TMEM187: variants seen among roughly 807,000 people sequenced by gnomAD.
The protein encoded by TMEM187 is transmembrane protein 187.
In TMEM187, 14 loss-of-function variants were observed where a neutral mutation model predicts 11.8. The observed-to-expected ratio is 1.18, with a 90% confidence interval of 0.78 to 1.85. The LOEUF (loss-of-function observed/expected upper bound fraction) is 1.85, where lower values mean the gene tolerates loss of function less well. TMEM187 is among the 40% of genes most tolerant of loss of function. The pLI is 0.00. For synonymous variants in TMEM187, 112 were observed against 118.5 expected, an observed-to-expected ratio of 0.95 and a Z score of 0.36; for missense variants, 227 against 243.9, an observed-to-expected ratio of 0.93 and a Z score of 0.46.
At position 153,982,480 on chromosome X, in the gene TMEM187, T is replaced by C; in HGVS notation, c.418T>C (p.Trp140Arg). Residue 140 changes from tryptophan to arginine, a missense_variant, in exon 2 of 2, where the codon TGG becomes CGG. By Grantham distance (101) the Trp-to-Arg change is moderately radical (BLOSUM62 -3). Transcript: ENST00000369982. ...CTACCTAGACCGCGGCTGGCGGCCC[T>C]GGCTGTTCCTCTCTCTTGAGTGCGT... ...CLYLDRGWRP[W>R]LFLSLECVSL... 8.3e-7 allele frequency: 1 copy of C among 1,203,929 alleles called. No homozygotes were observed. Among genetic ancestry groups the C allele is most frequent in the Non-Finnish European group, 1.1e-6 (1 of 894,497 alleles).
intron 1 of TMEM187, among the ~76,000 whole-genome samples, chrX:153,981,354 G>A (rs782070994): frequency 5.4e-5 from 6 of 111,436 alleles, no homozygotes; most frequent in Non-Finnish European, 1.1e-4. Context: ...AGGCGAGTGA[G>A]CCAGGGAAGC....
chrX:153,973,107 AAGATCTACC>A (rs1189416437), intron 1 of TMEM187, among the ~76,000 whole-genome samples: 3 of 112,421 alleles, frequency 2.7e-5, no homozygotes, highest in Non-Finnish European at 5.6e-5. Context: ...GTTAAATTAC[AAGATCTACC>A]AGATCTACCG....
At chrX:153,977,027 T>C (rs1352588387) in intron 1 of TMEM187, among the ~76,000 whole-genome samples, 1 of 112,329 alleles carries the variant, frequency 8.9e-6, no homozygotes, top group Non-Finnish European at 1.9e-5. Context: ...AATAGAAGCA[T>C]AGTGGGTATT....
intron 1 of TMEM187, among the ~76,000 whole-genome samples, chrX:153,973,351 C>T (rs1394632919): frequency 2.7e-5 from 3 of 112,522 alleles, no homozygotes; most frequent in Non-Finnish European, 3.8e-5. Flanking sequence ...GAATTCTTGC[C>T]TGTCTGTGCC....
Position 153,982,852 on chromosome X carries a change from C to T in TMEM187, c.*4C>T. On this transcript the variant is annotated 3_prime_UTR_variant, in exon 2 of 2. Transcript: ENST00000369982. Reference sequence around the variant, plus strand: ...CTCTGGCGGGAAGACGCGTTGAACCCAGGGAAGAACCTGCTGAAAACCGAT... The same window carrying T: ...CTCTGGCGGGAAGACGCGTTGAACCTAGGGAAGAACCTGCTGAAAACCGAT... The T allele has an allele frequency of 8.3e-7, 1 of 1,212,005 alleles. No homozygotes were observed. The highest frequency in any genetic ancestry group is 1.1e-6 in the Non-Finnish European group (1 of 895,596).
intron 1 of TMEM187, among the ~76,000 whole-genome samples, chrX:153,975,629 C>CTT (rs58423366): frequency 0.21 from 3,438 of 16,557 alleles, 911 homozygotes; most frequent in East Asian, 0.6. Flanking sequence ...CACACCCAGC[C>CTT]TTTTTTTTTT....
At position 153,983,025 on chromosome X, in the gene TMEM187, C is replaced by G; in HGVS notation, c.*177C>G. On this transcript the variant is annotated 3_prime_UTR_variant, in exon 2 of 2. Coordinates refer to ENST00000369982, the MANE Select transcript of TMEM187 (RefSeq NM_003492.3). ...GTGGAGGGGTGGAGTGCTGTGATCT[C>G]GACAACTTACTTTCAAAGACATAAA... 1 of 941,094 alleles carries G rather than the reference C, an allele frequency of 1.1e-6. No homozygotes were observed. The highest frequency in any genetic ancestry group is 2.3e-5 in the South Asian group (1 of 43,989). The allele number at this position is 941,094 out of a possible 1,213,427, so 77.6% of individuals were successfully genotyped here.
chrX:153,982,101 CGTGGCCG>C lies in TMEM187; in HGVS notation c.46_52del (p.Gly16SerfsTer43). On this transcript the variant is annotated frameshift_variant, in exon 2 of 2. Coordinates refer to ENST00000369982, the MANE Select transcript of TMEM187 (RefSeq NM_003492.3). LOFTEE classifies it high-confidence loss of function. ...GGGGGCAGGCCTTCGTGCACGTGGC[CGTGGCCG>C]GTGGCCTCTGTGCCGTGGCTGTGTT... The C allele has an allele frequency of 1.6e-6, 2 of 1,212,539 alleles. No individual in the cohort carries two copies. The highest frequency in any genetic ancestry group is 1.8e-5 in the South Asian group (1 of 57,081).
In TMEM187 at chrX:153,982,433, C is replaced by T. The variant is rs1045898; in HGVS notation, c.371C>T (p.Ala124Val). The change falls in exon 2 of 2, where the codon GCA (alanine) becomes GTA (valine). Residue 124 changes from alanine to valine, a missense_variant. Physicochemically the swap from Ala to Val is moderately conservative, Grantham distance 64 (BLOSUM62 0). Transcript: ENST00000369982. ...LDQWLTLPIF[A>V]WPVAWCLYLD... is the part of the protein sequence containing the mutation. ...CAGTGGCTCACACTGCCCATCTTTGCATGGCCCGTGGCCTGGTGCCTCTAC... is the reference window on the plus strand; with the variant it reads ...CAGTGGCTCACACTGCCCATCTTTGTATGGCCCGTGGCCTGGTGCCTCTAC... 8.3e-7 allele frequency: 1 copy of T among 1,201,826 alleles called. No individual in the cohort carries two copies.
chrX:153,981,019 T>C (rs1247549646), intron 1 of TMEM187: 1 of 109,075 alleles, frequency 9.2e-6, no homozygotes, highest in Non-Finnish European at 1.9e-5. Flanking sequence ...CAGTCTGGCA[T>C]CAGCTGACCA....
rs1216422110 is a variant in TMEM187 at position 153,972,784 on chromosome X, A to C, written c.-290A>C. On this transcript the variant is annotated 5_prime_UTR_variant, in exon 1 of 2. Transcript: ENST00000369982. ...CGCTGCTCGGATCCTCCCTTTTCGG[A>C]GATTTGAATTTCCCCCAGCGAGGCG... 3.6e-5 allele frequency: 4 copies of C among 110,931 alleles called. No homozygotes were observed. The highest frequency in any genetic ancestry group is 9.7e-5 in the African/African-American group (3 of 30,850). 9.1% of individuals were successfully genotyped at this position (110,931 alleles called of 1,213,427 possible).
rs2065611786 is a variant in TMEM187 at position 153,982,917 on chromosome X, G to A, written c.*69G>A. 3 of 1,203,749 alleles carry A rather than the reference G, an allele frequency of 2.5e-6. No individual in the cohort carries two copies. Among genetic ancestry groups the A allele is most frequent in the Non-Finnish European group, 2.2e-6 (2 of 891,748 alleles). On this transcript the variant is annotated 3_prime_UTR_variant, in exon 2 of 2. Coordinates refer to ENST00000369982, the MANE Select transcript of TMEM187 (RefSeq NM_003492.3). ...AAATGGACTCTGAGATGGCAGCGTG[G>A]TGCCAGTGTCAGACATCCTGTGTGT... is the stretch of plus-strand genomic sequence containing the variant.
Position 153,981,891 on chromosome X carries a change from C to T in TMEM187, c.-172C>T, listed in dbSNP as rs1407985249. On this transcript the variant is annotated 5_prime_UTR_variant, in exon 2 of 2. Transcript: ENST00000369982. The stretch of plus-strand genomic sequence containing the variant: ...TCCTCCGCTGGCGCCAGCCAATCAG[C>T]AGGACTCCTGCCTTCCTTCGGGGCA... 8 of 871,889 alleles carry T rather than the reference C, an allele frequency of 9.2e-6. No individual in the cohort carries two copies. Among genetic ancestry groups the T allele is most frequent in the Non-Finnish European group, 1.3e-5 (8 of 623,576 alleles). The allele number at this position is 871,889 out of a possible 1,213,427, so 71.9% of individuals were successfully genotyped here. A position where few individuals can be genotyped will look rare whatever the true frequency, so the allele number is the denominator to read the frequency against.
intron 1 of TMEM187, among the ~76,000 whole-genome samples, chrX:153,975,828 A>G (rs1170802801): frequency 9.6e-6 from 1 of 104,345 alleles, no homozygotes; most frequent in Non-Finnish European, 2.0e-5. Flanking sequence ...TATTTTTAGT[A>G]GAGACGGGGT....
In TMEM187 at chrX:153,982,032, T is replaced by C. The variant is rs1569547244; in HGVS notation, c.-31T>C. 1 of 1,211,860 alleles carries C rather than the reference T, an allele frequency of 8.3e-7. No individual in the cohort carries two copies. Among genetic ancestry groups the C allele is most frequent in the East Asian group, 3.0e-5 (1 of 33,858 alleles). ...CGTATTGAAGGCTGCTCTCTGAAGC[T>C]CCCTGCCCCAGGTCACGCCGCCGGT... On this transcript the variant is annotated 5_prime_UTR_variant, in exon 2 of 2. Coordinates refer to ENST00000369982, the MANE Select transcript of TMEM187 (RefSeq NM_003492.3).
rs1227038035 is a variant in TMEM187 at position 153,982,537 on chromosome X, C to T, written c.475C>T (p.His159Tyr). The T allele has an allele frequency of 8.3e-7, 1 of 1,206,761 alleles. No individual in the cohort carries two copies. The highest frequency in any genetic ancestry group is 1.7e-5 in the African/African-American group (1 of 57,697). The change falls in exon 2 of 2, where the codon CAT becomes TAT. Residue 159 changes from histidine to tyrosine, a missense_variant. His to Tyr is a moderately conservative substitution (Grantham distance 83, BLOSUM62 2). Transcript: ENST00000369982. ...GGCCAGTTATGGCCTCGCTCTGCTG[C>T]ATCCCCAGGGCTTCGAGGTCGCACT... is the stretch of plus-strand genomic sequence containing the variant. Reference protein sequence around the residue: ...SLASYGLALLHPQGFEVALGA... With the variant: ...SLASYGLALLYPQGFEVALGA...
At chrX:153,979,454 A>G (rs1248438631) in intron 1 of TMEM187, among the ~76,000 whole-genome samples, 4 of 109,593 alleles carry the variant, frequency 3.6e-5, no homozygotes. Context: ...TCCTGGACTC[A>G]AGCAGTCCTC....
Position 153,982,797 on chromosome X carries a change from G to A in TMEM187, c.735G>A (p.Thr245=), listed in dbSNP as rs13397. The A allele has an allele frequency of 0.18, 212,002 of 1,209,862 alleles. 19,579 individuals carry two copies. The highest frequency in any genetic ancestry group is 0.69 in the East Asian group (23,127 of 33,692). Residue 245 remains threonine (T), a synonymous_variant, in exon 2 of 2, where the codon ACG becomes ACA. Transcript: ENST00000369982. ...TCCACTTTGCGTTTTTGTTTCTGAC[G>A]CATTTCAACACTCACCCAAGATTCC... is the stretch of plus-strand genomic sequence containing the variant. The part of the protein sequence containing the change: ...LQFHFAFLFL[T]HFNTHPRFHP...
chrX:153,982,934 C>A lies in TMEM187; in HGVS notation c.*86C>A. On this transcript the variant is annotated 3_prime_UTR_variant, in exon 2 of 2. Coordinates refer to ENST00000369982, the MANE Select transcript of TMEM187 (RefSeq NM_003492.3). ...GCAGCGTGGTGCCAGTGTCAGACATCCTGTGTGTGATGATATGCACTGATC... is the reference window on the plus strand; with the variant it reads ...GCAGCGTGGTGCCAGTGTCAGACATACTGTGTGTGATGATATGCACTGATC... The A allele has an allele frequency of 8.3e-7, 1 of 1,197,666 alleles. No homozygotes were observed. The highest frequency in any genetic ancestry group is 1.1e-6 in the Non-Finnish European group (1 of 888,020).
Sources: gnomAD v4.1 joint callset for allele counts (sites outside exome capture counted in the v4.1 genomes callset) on GRCh38, gnomAD v4.1.1 for gene constraint, MANE v1.5 for transcripts, NCBI Gene and HGNC (gene_info 2026-07-23, HGNC 2026-07-21) for gene names.